EPB41L3: variants seen among roughly 807,000 people sequenced by gnomAD.
EPB41L3 encodes the protein band 4.1-like protein 3.
In EPB41L3, 57 loss-of-function variants were observed where a neutral mutation model predicts 127.1. The observed-to-expected ratio is 0.45, with a 90% CI of 0.36 to 0.56. The LOEUF (loss-of-function observed/expected upper bound fraction) is 0.56, where lower values mean the gene tolerates loss of function less well. Ranked by LOEUF, EPB41L3 falls within the 20% of genes least tolerant of loss-of-function variation. The pLI is 0.00. For missense variants in EPB41L3, 1,273 were observed against 1,372.2 expected (o/e 0.93, Z 1.14); for synonymous variants, 572 against 549.5 (o/e 1.04, Z -0.57).
At chr18:5,406,726 A>G in intron 16 of EPB41L3, 51 bp downstream of exon 16, 5 of 1,513,544 alleles carry the variant, frequency 3.3e-6, no homozygotes, top group Non-Finnish European at 4.5e-6. Flanking sequence ...CCTGTAGAGA[A>G]GGAAGGCGGG....
At chr18:5,576,926 GCCATCACAA>G (rs1385558868) in intron 3 of EPB41L3, among the ~76,000 whole-genome samples, 2 of 152,198 alleles carry the variant, frequency 1.3e-5, no homozygotes, top group Non-Finnish European at 2.9e-5. Flanking sequence ...AATTGAAGTT[GCCATCACAA>G]CTGAAAGCTG....
chr18:5,500,676 A>G (rs906660211), intron 1 of EPB41L3, among the ~76,000 whole-genome samples: 1 of 152,342 alleles, frequency 6.6e-6, no homozygotes, highest in South Asian at 2.1e-4. Flanking sequence ...CCTGGGCACA[A>G]ATAATCCGTG....
In EPB41L3 at chr18:5,394,653, T is replaced by C. The variant is rs1211715111; in HGVS notation, c.*6+24A>G. On this transcript the variant is annotated intron_variant, in intron 22 of 22. Coordinates refer to ENST00000341928, the MANE Select transcript of EPB41L3 (RefSeq NM_012307.5). The stretch of plus-strand genomic sequence containing the variant: ...TGCCTCATGCCAGCCTAGGCAAGCC[T>C]AGAGAATCGGCATCACCTCTTACCT... 4 of 1,589,986 alleles carry C rather than the reference T, an allele frequency of 2.5e-6. No homozygotes were observed. In the African/African-American group the frequency reaches 5.4e-5, roughly 21 times the overall value.
intron 16 of EPB41L3, chr18:5,399,593 A>C (rs2074152185): frequency 2.6e-6 from 1 of 384,314 alleles, no homozygotes; most frequent in Non-Finnish European, 4.6e-6. Flanking sequence ...TACATTCGGT[A>C]GGTAGAGTTG....
intron 1 of EPB41L3, among the ~76,000 whole-genome samples, chr18:5,519,688 G>A (rs974803480): frequency 2.6e-5 from 4 of 152,148 alleles, no homozygotes; most frequent in Admixed American, 1.3e-4. Flanking sequence ...AGAGGGGACC[G>A]GGACAAATCT....
At chr18:5,506,880 TG>T (rs1391263376) in intron 1 of EPB41L3, among the ~76,000 whole-genome samples, 1 of 152,226 alleles carries the variant, frequency 6.6e-6, no homozygotes, top group Non-Finnish European at 1.5e-5. Context: ...AGTTGTGCTT[TG>T]TATTATAGGT....
chr18:5,530,326 C>T (rs148160867), intron 1 of EPB41L3, among the ~76,000 whole-genome samples: 91 of 152,258 alleles, frequency 6.0e-4, no homozygotes, highest in African/African-American at 2.0e-3. Context: ...AAGGAGTTCA[C>T]TGAGTCATTC....
chr18:5,591,791 C>G (rs1053512663), intron 3 of EPB41L3, among the ~76,000 whole-genome samples: 1 of 152,028 alleles, frequency 6.6e-6, no homozygotes, highest in African/African-American at 2.4e-5. Flanking sequence ...AAAGTGAAAT[C>G]AACAAAAACT....
At chr18:5,553,098 A>G (rs1719961) in intron 3 of EPB41L3, among the ~76,000 whole-genome samples, 38,022 of 152,168 alleles carry the variant, frequency 0.25, 6,261 homozygotes, top group African/African-American at 0.47. Context: ...GGACACATTA[A>G]AGAACAGAAA....
upstream of EPB41L3, among the ~76,000 whole-genome samples, chr18:5,629,983 C>T (rs2094973770): frequency 6.6e-6 from 1 of 152,180 alleles, no homozygotes; most frequent in African/African-American, 2.4e-5. Context: ...TCCTCCAGGG[C>T]CTTGGGCTCC....
intron 12 of EPB41L3, among the ~76,000 whole-genome samples, chr18:5,416,605 C>A (rs559504194): frequency 1.7e-4 from 26 of 152,262 alleles, no homozygotes; most frequent in African/African-American, 6.0e-4. Flanking sequence ...AGGTGGAATT[C>A]TTTAAAAACT....
Position 5,416,328 on chromosome 18 carries a change from A to G in EPB41L3, c.1557T>C (p.His519=), listed in dbSNP as rs748081713. The G allele has an allele frequency of 4.3e-6, 7 of 1,613,900 alleles. 1 individual carries two copies. Among genetic ancestry groups the G allele is most frequent in the South Asian group, 2.2e-5 (2 of 91,080 alleles). Residue 519 remains histidine, a synonymous_variant, in exon 13 of 23, where the codon CAT becomes CAC. Coordinates refer to ENST00000341928, the MANE Select transcript of EPB41L3 (RefSeq NM_012307.5). ...DSCPLSPPST[H]CAPTSPTELR... is the part of the protein sequence containing the mutation. The stretch of plus-strand genomic sequence containing the variant: ...GCTCTGTGGGAGATGTGGGGGCACA[A>G]TGGGTGGATGGGGGTGACAAGGGAC...
At chr18:5,396,380 C>A in intron 18 of EPB41L3, 48 bp from the exon 19 acceptor site, 1 of 1,610,656 alleles carries the variant, frequency 6.2e-7, no homozygotes, top group Non-Finnish European at 8.5e-7. Context: ...TTTGCATGAA[C>A]ACATTGTTTT....
rs77855868 is a variant in EPB41L3 at position 5,448,805 on chromosome 18, C to A, written c.382-3561G>T. Among the ~76,000 whole-genome samples, 808 of 152,232 alleles carry A rather than the reference C, an allele frequency of 5.3e-3. 2 individuals carry two copies. Among genetic ancestry groups the A allele is most frequent in the African/African-American group, 0.018 (739 of 41,534 alleles). On this transcript the variant is annotated intron_variant, in intron 3 of 22. Transcript: ENST00000341928. ...AGTAACAAACCAACGGTGGCTTGCC[C>A]TCTTCTTAAAATTTCCCCTGACAAA...
chr18:5,473,325 G>C (rs1429802680), intron 3 of EPB41L3, among the ~76,000 whole-genome samples: 1 of 151,974 alleles, frequency 6.6e-6, no homozygotes, highest in African/African-American at 2.4e-5. Context: ...GGCCCTTTGA[G>C]TAACACCTAC....
At chr18:5,395,195 C>T (rs1312332132) in intron 20 of EPB41L3, 48 bp from the exon 21 acceptor site, 1 of 1,523,748 alleles carries the variant, frequency 6.6e-7, no homozygotes, top group African/African-American at 1.4e-5. Flanking sequence ...CTGGGAGAAA[C>T]CATCATGGTT....
chr18:5,478,512 C>T lies in EPB41L3; in HGVS notation c.184-74G>A, dbSNP rs1296371702. ...ATATTGCATTGCTCATGCAATAGCA[C>T]AAAACTGCTTTCTATTTCATAGAGG... On this transcript the variant is annotated intron_variant, in intron 2 of 22. Coordinates refer to ENST00000341928, the MANE Select transcript of EPB41L3 (RefSeq NM_012307.5). 9.5e-6 allele frequency: 13 copies of T among 1,374,746 alleles called. No individual in the cohort carries two copies. In the South Asian group the frequency reaches 9.7e-5, roughly 10 times the overall value. The allele number at this position is 1,374,746 out of a possible 1,614,324, so 85.2% of individuals were successfully genotyped here.
At chr18:5,607,332 C>T (rs1041919978) in intron 3 of EPB41L3, among the ~76,000 whole-genome samples, 6 of 152,182 alleles carry the variant, frequency 3.9e-5, no homozygotes, top group African/African-American at 1.2e-4. Context: ...CAGTGTCAGG[C>T]GATGGAAAAC....
intron 3 of EPB41L3, among the ~76,000 whole-genome samples, chr18:5,583,777 G>A (rs1690018086): frequency 6.6e-6 from 1 of 151,994 alleles, no homozygotes; most frequent in African/African-American, 2.4e-5. Flanking sequence ...AAACTTTCAA[G>A]TTAGCCATTT....
Sources: allele counts gnomAD v4.1 joint callset (sites outside exome capture counted in the v4.1 genomes callset), GRCh38; gene constraint gnomAD v4.1.1; transcripts MANE v1.5; gene names NCBI Gene and HGNC (gene_info 2026-07-23, HGNC 2026-07-21).